YAP1: variants seen among roughly 807,000 people sequenced by gnomAD.
YAP1 encodes the protein Yes1 associated transcriptional regulator, also known as transcriptional coactivator YAP1.
YAP1 carries 5 observed loss-of-function variants against 56.9 expected under a neutral mutation model. The ratio of observed to expected loss-of-function variants is 0.09; its 90% CI spans 0.05 to 0.18. The LOEUF (loss-of-function observed/expected upper bound fraction) is 0.18, where lower values mean the gene tolerates loss of function less well. Ranked by LOEUF, YAP1 falls within the 10% of genes least tolerant of loss-of-function variation. The pLI is 1.00. For missense variants in YAP1, 539 were observed against 651.8 expected, an observed-to-expected ratio of 0.83 and a Z score of 1.88; for synonymous variants, 265 against 248.1, an observed-to-expected ratio of 1.07 and a Z score of -0.64.
intron 3 of YAP1, among the ~76,000 whole-genome samples, chr11:102,183,179 C>T (rs1029499247): frequency 6.6e-6 from 1 of 152,174 alleles, no homozygotes; most frequent in African/African-American, 2.4e-5. Flanking sequence ...AAAGAAGTGA[C>T]ATCTGAGCTG....
intron 4 of YAP1, among the ~76,000 whole-genome samples, chr11:102,190,568 G>T (rs949053121): frequency 6.6e-6 from 1 of 152,204 alleles, no homozygotes; most frequent in African/African-American, 2.4e-5. Flanking sequence ...AGAGGTTGCA[G>T]TGAGTGAATA....
At position 102,171,422 on chromosome 11, in the gene YAP1, G is replaced by T. The variant is rs1946891645; in HGVS notation, c.688+8851G>T. ...AGTACTCACAGTTTTCCAAAATAAG[G>T]TTTTCTTTTGATGTTAGTAAGGTAA... On this transcript the variant is annotated intron_variant, in intron 3 of 8. Coordinates refer to ENST00000282441, the MANE Select transcript of YAP1 (RefSeq NM_001130145.3). Among the ~76,000 whole-genome samples, 4 of 152,110 alleles carry T rather than the reference G, an allele frequency of 2.6e-5. 1 individual carries two copies. In the South Asian group the frequency reaches 8.3e-4, roughly 32 times the overall value.
At chr11:102,127,112 T>G (rs1290446086) in intron 2 of YAP1, among the ~76,000 whole-genome samples, 1 of 152,188 alleles carries the variant, frequency 6.6e-6, no homozygotes, top group Non-Finnish European at 1.5e-5. Flanking sequence ...TTCAGAAAAT[T>G]TGCAGCCTGA....
intron 2 of YAP1, among the ~76,000 whole-genome samples, chr11:102,130,884 G>GGGTAT (rs931518878): frequency 1.3e-5 from 2 of 152,062 alleles, no homozygotes; most frequent in African/African-American, 4.8e-5. Context: ...CCCAGCTGGA[G>GGGTAT]GGTATGCAGG....
chr11:102,142,153 A>C (rs974830), intron 2 of YAP1, among the ~76,000 whole-genome samples: 12,638 of 152,224 alleles, frequency 0.083, 813 homozygotes, highest in African/African-American at 0.16. Context: ...GATTTTTCTT[A>C]CTGTTACTTA....
At chr11:102,171,612 T>A (rs1222462186) in intron 3 of YAP1, among the ~76,000 whole-genome samples, 1 of 152,232 alleles carries the variant, frequency 6.6e-6, no homozygotes, top group Non-Finnish European at 1.5e-5. Context: ...TTCATTGAGT[T>A]AAAATCTAAA....
At chr11:102,130,143 G>C (rs964722320) in intron 2 of YAP1, among the ~76,000 whole-genome samples, 1 of 151,720 alleles carries the variant, frequency 6.6e-6, no homozygotes, top group Non-Finnish European at 1.5e-5. Context: ...CAGAGAAGAG[G>C]GTTTTCTGAG....
At chr11:102,111,519 GA>G (rs71732430) in intron 1 of YAP1, among the ~76,000 whole-genome samples, 141,472 of 141,710 alleles carry the variant, frequency 1, 70,617 homozygotes, top group Middle Eastern at 1. Flanking sequence ...AGGGGGTGGG[GA>G]AAAGTCGGGC....
intron 2 of YAP1, among the ~76,000 whole-genome samples, chr11:102,137,748 CT>C (rs5794157): frequency 0.55 from 76,283 of 139,920 alleles, 20,711 homozygotes; most frequent in Middle Eastern, 0.68. Context: ...GAGTCATTGA[CT>C]TTTTTTTTTT....
chr11:102,125,721 CATT>C (rs1489283283), intron 2 of YAP1, among the ~76,000 whole-genome samples: 2 of 152,006 alleles, frequency 1.3e-5, no homozygotes, highest in African/African-American at 2.4e-5. Context: ...TTTCTGAGCT[CATT>C]GTTTATTATT....
intron 2 of YAP1, among the ~76,000 whole-genome samples, chr11:102,145,714 T>G (rs1408124498): frequency 1.3e-5 from 2 of 152,200 alleles, no homozygotes; most frequent in South Asian, 2.1e-4. Flanking sequence ...CTGTTCAAAA[T>G]CAGAACATAG....
At position 102,213,017 on chromosome 11, in the gene YAP1, T is replaced by C. The variant is rs574766207; in HGVS notation, c.1032+3453T>C. Among the ~76,000 whole-genome samples, 10 of 152,374 alleles carry C rather than the reference T, an allele frequency of 6.6e-5. No homozygotes were observed. In the East Asian group the frequency reaches 1.9e-3, roughly 29 times the overall value. On this transcript the variant is annotated intron_variant, in intron 6 of 8. Transcript: ENST00000282441. The stretch of plus-strand genomic sequence containing the variant: ...AGATTGAGCAGTTAATGCTATTTTC[T>C]AGTCATATCTCTGTTACACATCAGT...
chr11:102,164,291 C>T (rs1946468539), intron 3 of YAP1, among the ~76,000 whole-genome samples: 2 of 152,240 alleles, frequency 1.3e-5, no homozygotes, highest in South Asian at 4.2e-4. Context: ...CCTTGGCCTC[C>T]CAAAGTGCTG....
chr11:102,144,702 C>T (rs1945216611), intron 2 of YAP1, among the ~76,000 whole-genome samples: 1 of 152,128 alleles, frequency 6.6e-6, no homozygotes. Context: ...ACCAGCCTAG[C>T]ATGAAGTTAA....
intron 2 of YAP1, among the ~76,000 whole-genome samples, chr11:102,120,740 G>A (rs1046097700): frequency 3.9e-5 from 6 of 152,200 alleles, no homozygotes; most frequent in African/African-American, 1.4e-4. Context: ...TGTTTAGAGA[G>A]TTGATACTTG....
chr11:102,162,584 C>T lies in YAP1; in HGVS notation c.688+13C>T. On this transcript the variant is annotated intron_variant, in intron 3 of 8. Transcript: ENST00000282441. ...AACTCGGCTTCAGGTGAGTGAGACACTGTAATTACAGCACATGGAGTAATG... is the reference window on the plus strand; with the variant it reads ...AACTCGGCTTCAGGTGAGTGAGACATTGTAATTACAGCACATGGAGTAATG... The T allele has an allele frequency of 6.2e-7, 1 of 1,609,104 alleles. No homozygotes were observed. The highest frequency in any genetic ancestry group is 8.5e-7 in the Non-Finnish European group (1 of 1,175,382).
Position 102,227,477 on chromosome 11 carries a change from A to G in YAP1, c.1172A>G (p.Tyr391Cys), listed in dbSNP as rs1950250071. 2 of 1,611,036 alleles carry G rather than the reference A, an allele frequency of 1.2e-6. No individual in the cohort carries two copies. The highest frequency in any genetic ancestry group is 1.7e-6 in the Non-Finnish European group (2 of 1,177,606). Reference protein sequence around the residue: ...SSDPFLNSGTYHSRDESTDSG... With the variant: ...SSDPFLNSGTCHSRDESTDSG... ...CTGTCATGTTTATGTAGTGGCACCT[A>G]TCACTCTCGAGATGAGAGTACAGAC... The change falls in exon 8 of 9, where the codon TAT (tyrosine) becomes TGT (cysteine). Residue 391 changes from tyrosine to cysteine, a missense_variant. Transcript: ENST00000282441.
Position 102,227,461 on chromosome 11 carries a change from T to A in YAP1, c.1164-8T>A. On this transcript the variant is annotated splice_polypyrimidine_tract_variant and splice_region_variant and intron_variant, in intron 7 of 8. Transcript: ENST00000282441. The stretch of plus-strand genomic sequence containing the variant: ...TTGTGTTGGTCTTTAACTGTCATGT[T>A]TATGTAGTGGCACCTATCACTCTCG... The A allele has an allele frequency of 1.9e-6, 3 of 1,605,582 alleles. No individual in the cohort carries two copies. The highest frequency in any genetic ancestry group is 2.6e-6 in the Non-Finnish European group (3 of 1,173,192).
At chr11:102,228,960 T>C (rs916690243) in intron 8 of YAP1, among the ~76,000 whole-genome samples, 1 of 152,196 alleles carries the variant, frequency 6.6e-6, no homozygotes, top group African/African-American at 2.4e-5. Flanking sequence ...AAATCATCCT[T>C]AGGAGCCACT....
Sources: allele counts gnomAD v4.1 joint callset (sites outside exome capture counted in the v4.1 genomes callset), GRCh38; gene constraint gnomAD v4.1.1; transcripts MANE v1.5; gene names NCBI Gene and HGNC (gene_info 2026-07-23, HGNC 2026-07-21).